The following RALGAPA2 variants were observed in gnomAD, a reference collection of about 807,000 sequenced individuals.
RALGAPA2 encodes the protein Ral GTPase activating protein catalytic subunit alpha 2.
RALGAPA2 carries 139 observed loss-of-function variants against 230.4 expected under a neutral mutation model. That is an observed-to-expected ratio of 0.60 (90% confidence interval 0.53 to 0.69). The LOEUF (loss-of-function observed/expected upper bound fraction) is 0.69, where lower values mean the gene tolerates loss of function less well. RALGAPA2 is among the 30% of genes least tolerant of loss of function. The pLI, the probability that RALGAPA2 is intolerant of heterozygous loss-of-function variation, is 0.00. For synonymous variants in RALGAPA2, 847 were observed against 837.8 expected, an observed-to-expected ratio of 1.01 and a Z score of -0.19; for missense variants, 2,163 against 2,276.0, an observed-to-expected ratio of 0.95 and a Z score of 1.01.
intron 23 of RALGAPA2, among the ~76,000 whole-genome samples, chr20:20,552,039 T>C (rs1326348806): frequency 6.6e-6 from 1 of 152,196 alleles, no homozygotes; most frequent in African/African-American, 2.4e-5. Flanking sequence ...AATGTTCACT[T>C]TAAAGCAGTT....
chr20:20,604,137 C>G lies in RALGAPA2; in HGVS notation c.2038+1038G>C, dbSNP rs1423017653. ...TATTTTGGCATTTTAATCACAATGG[C>G]AGTTCCCTGCAACCTCACTCATTTT... On this transcript the variant is annotated intron_variant, in intron 15 of 39. Transcript: ENST00000202677. Among the ~76,000 whole-genome samples the G allele has an allele frequency of 2.6e-5, 4 of 152,206 alleles. No homozygotes were observed. The East Asian group carries it at 7.7e-4, about 29-fold the overall frequency.
At chr20:20,552,012 G>T (rs1170887326) in intron 23 of RALGAPA2, among the ~76,000 whole-genome samples, 2 of 152,150 alleles carry the variant, frequency 1.3e-5, no homozygotes, top group Non-Finnish European at 2.9e-5. Context: ...TTGCACAGTG[G>T]TGTCAAAATG....
At chr20:20,502,686 G>T (rs1470861390) in intron 35 of RALGAPA2, among the ~76,000 whole-genome samples, 1 of 152,198 alleles carries the variant, frequency 6.6e-6, no homozygotes, top group African/African-American at 2.4e-5. Context: ...AGAGAGTAAG[G>T]TGGGGATTCT....
At chr20:20,426,177 T>C (rs567366141) in intron 37 of RALGAPA2, among the ~76,000 whole-genome samples, 1 of 152,342 alleles carries the variant, frequency 6.6e-6, no homozygotes, top group African/African-American at 2.4e-5. Flanking sequence ...TTTACTCCTT[T>C]TACATCTGTT....
At chr20:20,505,203 G>A (rs1490928290) in intron 34 of RALGAPA2, 1 of 979,102 alleles carries the variant, frequency 1.0e-6, no homozygotes, top group African/African-American at 1.8e-5. Flanking sequence ...AAAATATTAA[G>A]AGGAAAGTTA....
intron 37 of RALGAPA2, among the ~76,000 whole-genome samples, chr20:20,444,818 G>A (rs1384520077): frequency 2.0e-5 from 3 of 152,214 alleles, no homozygotes; most frequent in Non-Finnish European, 4.4e-5. Flanking sequence ...GTTACCTGCA[G>A]TCAAGCAAGG....
At chr20:20,674,038 G>A (rs919775921) in intron 3 of RALGAPA2, among the ~76,000 whole-genome samples, 10 of 151,266 alleles carry the variant, frequency 6.6e-5, no homozygotes, top group African/African-American at 2.4e-4. Flanking sequence ...AAATTAAAAA[G>A]AAAAAAAATT....
chr20:20,456,878 G>A (rs184813970), intron 37 of RALGAPA2, among the ~76,000 whole-genome samples: 4 of 151,816 alleles, frequency 2.6e-5, no homozygotes, highest in Non-Finnish European at 4.4e-5. Flanking sequence ...GCTATTCACC[G>A]GCACAATCAT....
In RALGAPA2 at chr20:20,701,903, G is replaced by A. The variant is rs372288466; in HGVS notation, c.106+10472C>T. On this transcript the variant is annotated intron_variant, in intron 1 of 39. Coordinates refer to ENST00000202677, the MANE Select transcript of RALGAPA2 (RefSeq NM_020343.4). ...AAAAATACAAAAATTAGCCAGGCGC[G>A]GCGGCAGGTGTTTGTAATCCTAGCT... Among the ~76,000 whole-genome samples the A allele has an allele frequency of 3.1e-4, 47 of 151,818 alleles. No individual in the cohort carries two copies. The South Asian group carries it at 9.1e-3, about 30-fold the overall frequency.
chr20:20,427,210 C>T (rs1027411529), intron 37 of RALGAPA2, among the ~76,000 whole-genome samples: 2 of 152,220 alleles, frequency 1.3e-5, no homozygotes, highest in East Asian at 3.9e-4. Flanking sequence ...CTTCCACTCT[C>T]TCCAGTTGGG....
chr20:20,416,518 T>A (rs2060167955), intron 37 of RALGAPA2, among the ~76,000 whole-genome samples: 1 of 152,220 alleles, frequency 6.6e-6, no homozygotes, highest in South Asian at 2.1e-4. Context: ...TGGTGTTAAG[T>A]TCAAGATCAT....
chr20:20,419,718 C>T (rs1310272539), intron 37 of RALGAPA2, among the ~76,000 whole-genome samples: 1 of 152,178 alleles, frequency 6.6e-6, no homozygotes, highest in Non-Finnish European at 1.5e-5. Context: ...GGTCAGAATA[C>T]TACATATATT....
chr20:20,573,430 T>C (rs1049275227), intron 20 of RALGAPA2, among the ~76,000 whole-genome samples: 2 of 152,024 alleles, frequency 1.3e-5, no homozygotes, highest in African/African-American at 2.4e-5. Context: ...TCTGCGGTGG[T>C]TGTTGTTAGG....
chr20:20,674,580 G>A (rs2068251152), intron 3 of RALGAPA2, among the ~76,000 whole-genome samples: 1 of 152,092 alleles, frequency 6.6e-6, no homozygotes, highest in Non-Finnish European at 1.5e-5. Context: ...TAGACAATCT[G>A]TCTACCAAGA....
chr20:20,596,919 T>C (rs2065472022), intron 16 of RALGAPA2, among the ~76,000 whole-genome samples: 1 of 152,210 alleles, frequency 6.6e-6, no homozygotes, highest in South Asian at 2.1e-4. Context: ...CTTGTGACAA[T>C]TAAAAATGTC....
In RALGAPA2 at chr20:20,505,479, ACTTGT is replaced by A; in HGVS notation, c.4979_4983del (p.Asp1660ValfsTer6). The A allele has an allele frequency of 6.2e-7, 1 of 1,605,236 alleles. No individual in the cohort carries two copies. The highest frequency in any genetic ancestry group is 1.1e-5 in the South Asian group (1 of 89,468). ...CCTCTTTCATTAGAGAGGATTGAAC[ACTTGT>A]CTTCTTGACCTTCAGCAATGTAAAA... On this transcript the variant is annotated frameshift_variant, in exon 34 of 40. Transcript: ENST00000202677. LOFTEE classifies it high-confidence loss of function.
chr20:20,635,301 T>C, intron 9 of RALGAPA2, 117 bp downstream of exon 9: 1 of 1,109,034 alleles, frequency 9.0e-7, no homozygotes, highest in East Asian at 2.5e-5. Flanking sequence ...TAAAATCACT[T>C]ACCTATAACC....
chr20:20,626,835 C>T (rs1380767931), intron 10 of RALGAPA2, among the ~76,000 whole-genome samples: 1 of 152,220 alleles, frequency 6.6e-6, no homozygotes, highest in Non-Finnish European at 1.5e-5. Context: ...GTATCTCTGG[C>T]TGCTTTCTTG....
intron 37 of RALGAPA2, among the ~76,000 whole-genome samples, chr20:20,444,433 A>G (rs2060813309): frequency 6.6e-6 from 1 of 152,034 alleles, no homozygotes; most frequent in Non-Finnish European, 1.5e-5. Flanking sequence ...AAATTTTAAA[A>G]CTTTTTATTG....
Sources: gnomAD v4.1 joint callset for allele counts (sites outside exome capture counted in the v4.1 genomes callset) on GRCh38, gnomAD v4.1.1 for gene constraint, MANE v1.5 for transcripts, NCBI Gene and HGNC (gene_info 2026-07-23, HGNC 2026-07-21) for gene names.